PTPRD: variants seen among roughly 807,000 people sequenced by gnomAD.
PTPRD encodes protein tyrosine phosphatase receptor type D.
PTPRD carries 34 observed loss-of-function variants against 214.5 expected under a neutral mutation model. That is an observed-to-expected ratio of 0.16 (90% CI 0.12 to 0.21). The LOEUF is 0.21. Ranked by LOEUF, PTPRD falls within the 10% of genes least tolerant of loss-of-function variation. The probability of loss-of-function intolerance (pLI) is 1.00; values close to 1 mark genes in which losing one functional copy is unlikely to be tolerated. For synonymous variants in PTPRD, 1,128 were observed against 845.7 expected (o/e 1.33, Z -5.79); for missense variants, 2,545 against 2,398.7 (o/e 1.06, Z -1.27).
At position 8,504,245 on chromosome 9, in the gene PTPRD, A is replaced by G; in HGVS notation, c.1822+16T>C. On this transcript the variant is annotated intron_variant, in intron 23 of 45. Transcript: ENST00000381196. ...GGAAATAAAAAGGCAGAAAGTAAGCAAAGAGAGACACCTACTTGACTGCAT... is the reference window on the plus strand; with the variant it reads ...GGAAATAAAAAGGCAGAAAGTAAGCGAAGAGAGACACCTACTTGACTGCAT... 6.2e-7 allele frequency: 1 copy of G among 1,613,706 alleles called. No homozygotes were observed. Among genetic ancestry groups the G allele is most frequent in the Non-Finnish European group, 8.5e-7 (1 of 1,179,806 alleles).
At chr9:8,617,446 T>G (rs775117424) in intron 14 of PTPRD, among the ~76,000 whole-genome samples, 2 of 152,102 alleles carry the variant, frequency 1.3e-5, no homozygotes, top group Non-Finnish European at 2.9e-5. Flanking sequence ...CATAAGTAAT[T>G]TATTCCTATT....
At chr9:8,540,512 ATATTCTAATAACATAATGCACGTTTAT>A (rs1488624274) in intron 14 of PTPRD, among the ~76,000 whole-genome samples, 1 of 152,216 alleles carries the variant, frequency 6.6e-6, no homozygotes, top group African/African-American at 2.4e-5. Context: ...TGAGAAATCA[ATATTCTAATAACATAATGCACGTTTAT>A]TATTTTTATT....
intron 9 of PTPRD, among the ~76,000 whole-genome samples, chr9:9,392,049 A>G (rs1049869816): frequency 4.6e-5 from 7 of 152,166 alleles, no homozygotes; most frequent in Admixed American, 3.3e-4. Flanking sequence ...TACCAAATTT[A>G]TAGTCCTAGA....
At chr9:9,604,163 G>T (rs1456820882) in intron 7 of PTPRD, among the ~76,000 whole-genome samples, 1 of 151,912 alleles carries the variant, frequency 6.6e-6, no homozygotes, top group African/African-American at 2.4e-5. Context: ...TAGAACATAA[G>T]CCACTGATTA....
Position 9,904,137 on chromosome 9 carries a change from CTG to C in PTPRD, c.-368+34368_-368+34369del, listed in dbSNP as rs1247737444. Among the ~76,000 whole-genome samples, 3 of 152,104 alleles carry C rather than the reference CTG, an allele frequency of 2.0e-5. No homozygotes were observed. In the East Asian group the frequency reaches 5.8e-4, roughly 29 times the overall value. On this transcript the variant is annotated intron_variant, in intron 5 of 45. Coordinates refer to ENST00000381196, the MANE Select transcript of PTPRD (RefSeq NM_002839.4). ...CTCTCTCTTCTCACAAAGAATCTCT[CTG>C]TGTCAGACAAAGATGGGTGGTACAG...
At chr9:10,537,987 C>A (rs369172118) in intron 2 of PTPRD, among the ~76,000 whole-genome samples, 4 of 152,030 alleles carry the variant, frequency 2.6e-5, no homozygotes, top group African/African-American at 9.7e-5. Flanking sequence ...AAGCCTTCCA[C>A]CTAAAATTTG....
chr9:8,374,636 C>T (rs552950904), intron 39 of PTPRD, among the ~76,000 whole-genome samples: 4 of 152,036 alleles, frequency 2.6e-5, no homozygotes, highest in East Asian at 1.9e-4. Context: ...TCTCTTGACA[C>T]GACATAATTC....
intron 9 of PTPRD, among the ~76,000 whole-genome samples, chr9:9,267,577 A>T (rs1940569692): frequency 6.6e-6 from 1 of 151,268 alleles, no homozygotes; most frequent in African/African-American, 2.4e-5. Flanking sequence ...GACACTACAA[A>T]GAAAGAAAAT....
At chr9:9,173,479 G>A (rs985223915) in intron 10 of PTPRD, among the ~76,000 whole-genome samples, 15 of 152,136 alleles carry the variant, frequency 9.9e-5, no homozygotes, top group African/African-American at 3.6e-4. Context: ...ACATCATAGA[G>A]TGTCCTTACA....
At chr9:8,598,714 T>C (rs1372607474) in intron 14 of PTPRD, among the ~76,000 whole-genome samples, 1 of 152,092 alleles carries the variant, frequency 6.6e-6, no homozygotes, top group Non-Finnish European at 1.5e-5. Context: ...TCATCATGAA[T>C]GGGAGAGGAT....
intron 7 of PTPRD, among the ~76,000 whole-genome samples, chr9:9,661,508 T>C (rs1045136058): frequency 6.6e-6 from 1 of 151,908 alleles, no homozygotes; most frequent in South Asian, 2.1e-4. Flanking sequence ...TTAACAATTA[T>C]GCTAAACTAT....
intron 30 of PTPRD, among the ~76,000 whole-genome samples, chr9:8,478,610 C>G (rs1591551540): frequency 1.3e-5 from 2 of 152,268 alleles, no homozygotes; most frequent in South Asian, 4.1e-4. Flanking sequence ...TGCTTCTGAA[C>G]AACAGTAGCA....
At chr9:10,209,603 T>A (rs2099505256) in intron 3 of PTPRD, among the ~76,000 whole-genome samples, 1 of 152,086 alleles carries the variant, frequency 6.6e-6, no homozygotes, top group Admixed American at 6.5e-5. Context: ...TGTTATAACT[T>A]TTCTACCTGA....
intron 2 of PTPRD, among the ~76,000 whole-genome samples, chr9:10,496,846 C>G (rs183899250): frequency 3.2e-4 from 49 of 152,098 alleles, no homozygotes; most frequent in Admixed American, 9.9e-4. Context: ...CCTATAGATT[C>G]TGGATATTAG....
intron 2 of PTPRD, among the ~76,000 whole-genome samples, chr9:10,594,294 G>C (rs2076157456): frequency 6.6e-6 from 1 of 151,962 alleles, no homozygotes; most frequent in African/African-American, 2.4e-5. Flanking sequence ...CAGTAAAACT[G>C]AACTGTATAA....
intron 6 of PTPRD, among the ~76,000 whole-genome samples, chr9:9,745,316 A>C (rs530471582): frequency 2.8e-4 from 42 of 152,252 alleles, no homozygotes; most frequent in Admixed American, 2.1e-3. Flanking sequence ...TTTTCAAGGA[A>C]AAATTCAGTA....
chr9:10,136,418 C>A (rs914736822), intron 3 of PTPRD, among the ~76,000 whole-genome samples: 1 of 152,052 alleles, frequency 6.6e-6, no homozygotes. Context: ...ACCTAACAAC[C>A]GCAAAGTACA....
In PTPRD at chr9:8,319,140, C is replaced by G. The variant is rs141862688; in HGVS notation, c.5670+691G>C. On this transcript the variant is annotated intron_variant, in intron 45 of 45. Transcript: ENST00000381196. Reference sequence around the variant, plus strand: ...CCAAACACTTGCACTACTTTGAAATCCGTCTGAAAGATACTGTGGATGATG... The same window carrying G: ...CCAAACACTTGCACTACTTTGAAATGCGTCTGAAAGATACTGTGGATGATG... Among the ~76,000 whole-genome samples, 6 of 152,092 alleles carry G rather than the reference C, an allele frequency of 3.9e-5. No individual in the cohort carries two copies. In the East Asian group the frequency reaches 9.7e-4, roughly 25 times the overall value.
intron 27 of PTPRD, among the ~76,000 whole-genome samples, chr9:8,492,232 T>C (rs779955294): frequency 6.6e-6 from 1 of 152,212 alleles, no homozygotes; most frequent in African/African-American, 2.4e-5. Flanking sequence ...CTGTAAGTCA[T>C]GAACCCAGTT....
Sources: allele counts gnomAD v4.1 joint callset (sites outside exome capture counted in the v4.1 genomes callset), GRCh38; gene constraint gnomAD v4.1.1; transcripts MANE v1.5; gene names NCBI Gene and HGNC (gene_info 2026-07-23, HGNC 2026-07-21).